The following CCDC144A variants were observed in gnomAD, a reference collection of about 807,000 sequenced individuals.
The protein encoded by CCDC144A is coiled-coil domain-containing protein 144A.
Under a neutral mutation model 143.8 loss-of-function variants are expected in CCDC144A, and 41 were observed. That is an observed-to-expected ratio of 0.29 (90% CI 0.22 to 0.37). CCDC144A has a LOEUF of 0.37. Ranked by LOEUF, CCDC144A falls within the 10% of genes least tolerant of loss-of-function variation. CCDC144A has a pLI of 1.00. For synonymous variants in CCDC144A, 242 were observed against 517.9 expected (o/e 0.47, Z 7.23); for missense variants, 637 against 1,488.8 (o/e 0.43, Z 9.41).
the CCDC144A span, among the ~76,000 whole-genome samples, chr17:16,682,074 C>T: frequency 1.3e-5 from 2 of 151,804 alleles, no homozygotes; most frequent in Non-Finnish European, 2.9e-5. Context: ...GAGCCCTGAC[C>T]GTGTGAGGGA....
intron 2 of CCDC144A, among the ~76,000 whole-genome samples, chr17:16,700,734 G>A (rs1220265337): frequency 1.3e-5 from 2 of 152,098 alleles, no homozygotes; most frequent in Admixed American, 6.6e-5. Context: ...TAGCAAGGCT[G>A]CTTACAGTTT....
At chr17:16,751,218 T>C (rs1288909573) in intron 12 of CCDC144A, among the ~76,000 whole-genome samples, 1 of 152,208 alleles carries the variant, frequency 6.6e-6, no homozygotes, top group Non-Finnish European at 1.5e-5. Flanking sequence ...TTATGTTCTT[T>C]TTTTTCTCTT....
At chr17:16,748,608 A>G (rs556233536) in intron 12 of CCDC144A, among the ~76,000 whole-genome samples, 3 of 152,308 alleles carry the variant, frequency 2.0e-5, no homozygotes, top group Non-Finnish European at 2.9e-5. Context: ...GCATCATACA[A>G]TGAGTTAGGG....
intron 6 of CCDC144A, among the ~76,000 whole-genome samples, chr17:16,719,250 T>G (rs1344833473): frequency 6.6e-6 from 1 of 152,124 alleles, no homozygotes; most frequent in Non-Finnish European, 1.5e-5. Context: ...GTGTGCTCAA[T>G]GAGTATTTAT....
chr17:16,699,377 T>G (rs1911590759), intron 2 of CCDC144A, among the ~76,000 whole-genome samples: 1 of 150,104 alleles, frequency 6.7e-6, no homozygotes, highest in South Asian at 2.1e-4. Context: ...TTTTGGACTT[T>G]TTTTGTTGTT....
intron 8 of CCDC144A, among the ~76,000 whole-genome samples, chr17:16,723,499 C>T (rs1913212375): frequency 6.6e-6 from 1 of 152,082 alleles, no homozygotes; most frequent in African/African-American, 2.4e-5. Context: ...ATGTTTTGGT[C>T]TGTTCCGCCT....
intron 12 of CCDC144A, among the ~76,000 whole-genome samples, chr17:16,737,915 A>C (rs1020431983): frequency 6.6e-6 from 1 of 151,880 alleles, no homozygotes; most frequent in Non-Finnish European, 1.5e-5. Context: ...GATCCTTAGG[A>C]AAATTGGGAA....
chr17:16,736,375 G>A (rs954443482), intron 12 of CCDC144A, among the ~76,000 whole-genome samples: 3 of 151,886 alleles, frequency 2.0e-5, no homozygotes, highest in Non-Finnish European at 2.9e-5. Flanking sequence ...GCCTCCCAAA[G>A]TGCTGGGATT....
At chr17:16,699,307 G>T (rs1368494519) in intron 2 of CCDC144A, among the ~76,000 whole-genome samples, 5 of 147,824 alleles carry the variant, frequency 3.4e-5, no homozygotes, top group Non-Finnish European at 5.9e-5. Context: ...CTCTTCTCCC[G>T]GCCAGATAAG....
chr17:16,772,514 A>ATATAAACAC (rs1281857862), intron 16 of CCDC144A: 1 of 699,664 alleles, frequency 1.4e-6, no homozygotes, highest in African/African-American at 1.8e-5. Flanking sequence ...TTAACATGTA[A>ATATAAACAC]TATAAACACC....
chr17:16,670,420 C>T, the CCDC144A span, among the ~76,000 whole-genome samples: 10 of 148,472 alleles, frequency 6.7e-5, no homozygotes, highest in Admixed American at 4.0e-4. Context: ...CCTGAGTAGC[C>T]GGGATTACAT....
intron 5 of CCDC144A, among the ~76,000 whole-genome samples, chr17:16,711,135 T>TAAAAAAAAAAAAAAAAAAAAA (rs1912384837): frequency 9.9e-5 from 1 of 10,086 alleles, no homozygotes; most frequent in Non-Finnish European, 1.9e-4. Flanking sequence ...AGGATTCAAA[T>TAAAAAAAAAAAAAAAAAAAAA]GAAAAAAAAA....
intron 12 of CCDC144A, among the ~76,000 whole-genome samples, chr17:16,740,883 T>A (rs1399421696): frequency 1.3e-5 from 2 of 152,160 alleles, no homozygotes; most frequent in Non-Finnish European, 2.9e-5. Flanking sequence ...ATCTCCTTCC[T>A]TCTTCATCTT....
chr17:16,749,487 A>T (rs567467992), intron 12 of CCDC144A, among the ~76,000 whole-genome samples: 1 of 152,346 alleles, frequency 6.6e-6, no homozygotes, highest in East Asian at 1.9e-4. Context: ...AAAATTTATC[A>T]TGACTTGCTT....
At chr17:16,726,188 C>T (rs1597561822) in intron 8 of CCDC144A, among the ~76,000 whole-genome samples, 1 of 151,542 alleles carries the variant, frequency 6.6e-6, no homozygotes, top group Non-Finnish European at 1.5e-5. Flanking sequence ...ACCATCCTGG[C>T]TAACACGGTG....
intron 6 of CCDC144A, among the ~76,000 whole-genome samples, chr17:16,714,850 C>G (rs1015333488): frequency 5.9e-5 from 9 of 151,918 alleles, no homozygotes; most frequent in Non-Finnish European, 1.0e-4. Flanking sequence ...GTTTCTTATT[C>G]CCTTTGCTGT....
chr17:16,681,824 A>G, the CCDC144A span, among the ~76,000 whole-genome samples: 31 of 151,020 alleles, frequency 2.1e-4, no homozygotes. Flanking sequence ...GCGCCACTAC[A>G]CTCCAGCCTG....
intron 8 of CCDC144A, among the ~76,000 whole-genome samples, chr17:16,724,259 C>T (rs1291446048): frequency 2.0e-5 from 3 of 152,044 alleles, no homozygotes; most frequent in Non-Finnish European, 2.9e-5. Context: ...GATTGCAGGC[C>T]GGGTGCAGTG....
chr17:16,747,288 C>T (rs1267435514), intron 12 of CCDC144A, among the ~76,000 whole-genome samples: 8 of 152,078 alleles, frequency 5.3e-5, no homozygotes, highest in Non-Finnish European at 1.2e-4. Context: ...GTGCCAGTAC[C>T]GTGCTGATTT....
Sources: allele counts gnomAD v4.1 joint callset (sites outside exome capture counted in the v4.1 genomes callset), GRCh38; gene constraint gnomAD v4.1.1; transcripts MANE v1.5; gene names NCBI Gene and HGNC (gene_info 2026-07-23, HGNC 2026-07-21).